MIA2: variants seen among roughly 807,000 people sequenced by gnomAD.
MIA2 encodes the protein MIA SH3 domain ER export factor 2.
A neutral mutation model predicts 167.8 loss-of-function variants in MIA2; 127 were observed. The ratio of observed to expected loss-of-function variants is 0.76; its 90% CI spans 0.66 to 0.88. The LOEUF (loss-of-function observed/expected upper bound fraction) is 0.88. Ranked by LOEUF, MIA2 falls within the 40% of genes least tolerant of loss-of-function variation. MIA2 has a pLI of 0.00. For missense variants in MIA2, 1,690 were observed against 1,624.7 expected (o/e 1.04, Z -0.69); for synonymous variants, 552 against 541.9 (o/e 1.02, Z -0.26).
Position 39,385,868 on chromosome 14 carries a change from G to A in MIA2, c.2249-1017G>A, listed in dbSNP as rs185970364. The A allele has an allele frequency of 1.3e-5, 13 of 966,390 alleles. No homozygotes were observed. The Admixed American group carries it at 1.5e-4, about 11-fold the overall frequency. 59.9% of individuals were successfully genotyped at this position (966,390 alleles called of 1,614,324 possible). On this transcript the variant is annotated intron_variant, in intron 23 of 23. Coordinates refer to the MIA2 transcript ENST00000341502. ...CCTCGACCTCTCCCCCGCATGCCCC[G>A]TCCCCTAGCTCCCTTTCAAGAAAAA... is the stretch of plus-strand genomic sequence containing the variant.
At chr14:39,299,068 TAAA>T (rs3065043) in intron 13 of MIA2, among the ~76,000 whole-genome samples, 5,960 of 44,128 alleles carry the variant, frequency 0.14, 147 homozygotes, top group South Asian at 0.19. Flanking sequence ...TCCCTGCCTC[TAAA>T]AAAAAAAAAA....
At chr14:39,359,379 C>T (rs1267107180) in intron 23 of MIA2, among the ~76,000 whole-genome samples, 2 of 152,168 alleles carry the variant, frequency 1.3e-5, no homozygotes, top group Admixed American at 1.3e-4. Flanking sequence ...TTCTGGTGTG[C>T]CGTTTGATAA....
At chr14:39,351,412 G>T (rs1033746402), downstream of MIA2, 5 of 149,408 alleles carry the variant, frequency 3.3e-5, no homozygotes, top group Admixed American at 6.6e-5. Context: ...AAACTAAAAA[G>T]AAATACTTGA....
At position 39,338,523 on chromosome 14, in the gene MIA2, T is replaced by G. The variant is rs541919494; in HGVS notation, c.3656-7381T>G. On this transcript the variant is annotated intron_variant, in intron 25 of 28. Transcript: ENST00000640607. ...TTTTTCATAAGTTTAATTAGAAAAC[T>G]TATTTATAATTTTAGCAGAAAAAAT... Among the ~76,000 whole-genome samples the G allele has an allele frequency of 8.5e-5, 13 of 152,308 alleles. No homozygotes were observed. The East Asian group carries it at 2.5e-3, about 29-fold the overall frequency.
intron 1 of MIA2, among the ~76,000 whole-genome samples, chr14:39,234,496 A>G (rs1023426373): frequency 3.9e-5 from 6 of 152,174 alleles, no homozygotes; most frequent in Non-Finnish European, 8.8e-5. Flanking sequence ...ACTATTTTTA[A>G]AGATTAATCT....
chr14:39,293,350 A>G lies in MIA2; in HGVS notation c.2288A>G (p.Glu763Gly). The change falls in exon 11 of 29, where the codon GAG (glutamate) becomes GGG (glycine). Residue 763 changes from glutamate (E) to glycine (G), a missense_variant. Physicochemically the swap from Glu to Gly is moderately conservative, Grantham distance 98. Coordinates refer to ENST00000640607, the MANE Select transcript of MIA2 (RefSeq NM_001329214.4). ...ILCLEKELKE[E>G]KSKHSEQDEL... ...TGTCTAGAAAAAGAGTTAAAAGAAG[A>G]GAAATCCAAACATTCTGAACAAGAT... The G allele has an allele frequency of 6.2e-7, 1 of 1,605,764 alleles. No homozygotes were observed. The highest frequency in any genetic ancestry group is 1.1e-5 in the South Asian group (1 of 90,496).
rs1416933824 is a variant in MIA2 at position 39,348,886 on chromosome 14, C to T, written c.3981C>T (p.Phe1327=). 6 of 1,613,904 alleles carry T rather than the reference C, an allele frequency of 3.7e-6. No homozygotes were observed. The African/African-American group carries it at 4.0e-5, about 11-fold the overall frequency. ...RGPFLRRGPP[F]PPPPPGAMFG... is the part of the protein sequence containing the mutation. ...CATTCTTGAGAAGAGGACCTCCTTT[C>T]CCCCCACCTCCTCCAGGAGCCATGT... The change falls in exon 28 of 29, where the codon TTC becomes TTT. Residue 1327 remains phenylalanine, a synonymous_variant. Coordinates refer to ENST00000640607, the MANE Select transcript of MIA2 (RefSeq NM_001329214.4).
chr14:39,381,786 A>T (rs2075169210), intron 23 of MIA2, among the ~76,000 whole-genome samples: 1 of 152,020 alleles, frequency 6.6e-6, no homozygotes, highest in Non-Finnish European at 1.5e-5. Flanking sequence ...AGAGTTGGTC[A>T]AACCCAATGG....
intron 6 of MIA2, among the ~76,000 whole-genome samples, chr14:39,259,607 T>C (rs2054985949): frequency 6.6e-6 from 1 of 151,558 alleles, no homozygotes; most frequent in Non-Finnish European, 1.5e-5. Flanking sequence ...CACAGCTCAC[T>C]GCAGCCTCAG....
intron 2 of MIA2, among the ~76,000 whole-genome samples, chr14:39,238,092 C>T (rs934217518): frequency 6.6e-6 from 1 of 151,896 alleles, no homozygotes; most frequent in East Asian, 1.9e-4. Flanking sequence ...GATTCAAAGA[C>T]ATGTGTTTCT....
chr14:39,238,146 A>G (rs542871428), intron 2 of MIA2, among the ~76,000 whole-genome samples: 1 of 151,900 alleles, frequency 6.6e-6, no homozygotes, highest in East Asian at 2.0e-4. Context: ...ATCCCCAGAA[A>G]GGCTGGTAGC....
In MIA2 at chr14:39,279,344, G is replaced by A; in HGVS notation, c.2027G>A (p.Ser676Asn). 1 of 1,607,496 alleles carries A rather than the reference G, an allele frequency of 6.2e-7. No individual in the cohort carries two copies. Among genetic ancestry groups the A allele is most frequent in the African/African-American group, 1.3e-5 (1 of 74,524 alleles). ...GTTAAAAATTTGTTTCAGGTTAGGAGTCGGCTTTATGTGGGTAAGTTCTTT... is the reference window on the plus strand; with the variant it reads ...GTTAAAAATTTGTTTCAGGTTAGGAATCGGCTTTATGTGGGTAAGTTCTTT... ...FLWRSFRSVR[S>N]RLYVGREKKL... The change falls in exon 8 of 29, where the codon AGT (serine) becomes AAT (asparagine). Residue 676 changes from serine to asparagine, a missense_variant. Transcript: ENST00000640607.
At chr14:39,295,085 G>A (rs1040709780) in intron 13 of MIA2, 56 bp downstream of exon 13, 2 of 1,228,836 alleles carry the variant, frequency 1.6e-6, no homozygotes, top group African/African-American at 3.0e-5. Context: ...AGATGTTCTT[G>A]TCATCCTCAT....
In MIA2 at chr14:39,247,261, G is replaced by A. The variant is rs753957098; in HGVS notation, c.687G>A (p.Leu229=). The A allele has an allele frequency of 1.2e-6, 2 of 1,614,016 alleles. No homozygotes were observed. Among genetic ancestry groups the A allele is most frequent in the Non-Finnish European group, 1.7e-6 (2 of 1,179,998 alleles). Residue 229 remains leucine, a synonymous_variant, in exon 4 of 29, where the codon TTG becomes TTA. Transcript: ENST00000640607. ...CTGGAGTCAAAGAATGGTTTGGATT[G>A]GGAGGAGAACAAGCTGAAGAGAAGG... is the stretch of plus-strand genomic sequence containing the variant. ...AVSGVKEWFG[L]GGEQAEEKAF...
intron 23 of MIA2, among the ~76,000 whole-genome samples, chr14:39,358,136 C>A (rs1247144688): frequency 1.3e-5 from 2 of 152,174 alleles, no homozygotes; most frequent in Non-Finnish European, 2.9e-5. Flanking sequence ...TGGATAATAT[C>A]CTGCAGAGTG....
At chr14:39,352,457 A>C (rs2074414021), downstream of MIA2, among the ~76,000 whole-genome samples, 1 of 152,058 alleles carries the variant, frequency 6.6e-6, no homozygotes, top group Non-Finnish European at 1.5e-5. Context: ...GAATCCTTTG[A>C]TGTCTGAAAA....
chr14:39,266,779 G>A, intron 6 of MIA2: 1 of 982,490 alleles, frequency 1.0e-6, no homozygotes, highest in Non-Finnish European at 1.2e-6. Flanking sequence ...GCAGGCTCCA[G>A]CGAGGCTGCG....
intron 9 of MIA2, among the ~76,000 whole-genome samples, chr14:39,290,005 A>G (rs2060511046): frequency 6.6e-6 from 1 of 152,160 alleles, no homozygotes; most frequent in Admixed American, 6.5e-5. Flanking sequence ...TATTGGGCCC[A>G]CCAAAATAAT....
At chr14:39,363,858 G>T (rs2074754768) in intron 23 of MIA2, among the ~76,000 whole-genome samples, 2 of 152,126 alleles carry the variant, frequency 1.3e-5, no homozygotes, top group Admixed American at 6.5e-5. Context: ...TTCACATGGA[G>T]TATCTTTTTT....
Sources: allele counts gnomAD v4.1 joint callset (sites outside exome capture counted in the v4.1 genomes callset), GRCh38; gene constraint gnomAD v4.1.1; transcripts MANE v1.5; gene names NCBI Gene and HGNC (gene_info 2026-07-23, HGNC 2026-07-21).